ZNF140: variants seen among roughly 807,000 people sequenced by gnomAD.
The protein encoded by ZNF140 is zinc finger protein 140, also known as zinc finger protein 140 (clone pHZ-39).
Under a neutral mutation model 12.9 loss-of-function variants are expected in ZNF140, and 13 were observed. That is an observed-to-expected ratio of 1.01 (90% CI 0.66 to 1.60). The LOEUF is 1.60. Among genes scored for constraint, ZNF140 ranks in the 40% most tolerant of loss-of-function variants. ZNF140 has a pLI of 0.00. For synonymous variants in ZNF140, 214 were observed against 186.7 expected, an observed-to-expected ratio of 1.15 and a Z score of -1.19; for missense variants, 531 against 548.8, an observed-to-expected ratio of 0.97 and a Z score of 0.32.
chr12:133,087,726 G>A (rs1413782697), intron 4 of ZNF140, among the ~76,000 whole-genome samples: 3 of 152,124 alleles, frequency 2.0e-5, no homozygotes, highest in Non-Finnish European at 4.4e-5. Context: ...TTGTAGAATT[G>A]TTGCATACCT....
At chr12:133,086,615 T>G (rs1377997599) in intron 4 of ZNF140, among the ~76,000 whole-genome samples, 7 of 152,224 alleles carry the variant, frequency 4.6e-5, no homozygotes, top group African/African-American at 1.7e-4. Flanking sequence ...CTTCATAGCT[T>G]CTTTTGATGA....
intron 4 of ZNF140, among the ~76,000 whole-genome samples, chr12:133,084,903 T>C (rs1461347552): frequency 6.6e-6 from 1 of 152,190 alleles, no homozygotes; most frequent in Non-Finnish European, 1.5e-5. Context: ...AGGGAAACTT[T>C]GTTTAGTGGG....
intron 4 of ZNF140, among the ~76,000 whole-genome samples, chr12:133,089,740 C>G (rs1278867239): frequency 6.6e-6 from 1 of 151,810 alleles, no homozygotes; most frequent in Non-Finnish European, 1.5e-5. Context: ...ATCTTTTTTT[C>G]TTAATTAGCC....
intron 4 of ZNF140, among the ~76,000 whole-genome samples, chr12:133,092,223 C>T (rs1954916332): frequency 6.6e-6 from 1 of 151,008 alleles, no homozygotes; most frequent in Admixed American, 6.6e-5. Flanking sequence ...TTAGTTAGAA[C>T]TCCTTTTAAT....
intron 4 of ZNF140, chr12:133,093,429 A>G (rs1174008716): frequency 4.3e-6 from 3 of 699,316 alleles, no homozygotes; most frequent in Non-Finnish European, 7.8e-6. Flanking sequence ...TTTTTCAGCT[A>G]ACTGTGTCAG....
At chr12:133,097,518 C>T (rs1032303498) in intron 4 of ZNF140, among the ~76,000 whole-genome samples, 1 of 151,602 alleles carries the variant, frequency 6.6e-6, no homozygotes, top group Non-Finnish European at 1.5e-5. Flanking sequence ...TGGTGGGCAC[C>T]TATAGTCCCA....
chr12:133,087,616 A>T (rs78748547), intron 4 of ZNF140, among the ~76,000 whole-genome samples: 26 of 152,002 alleles, frequency 1.7e-4, no homozygotes, highest in Non-Finnish European at 2.5e-4. Context: ...CAGACCAGCC[A>T]GAATTTGCAT....
At position 133,087,501 on chromosome 12, in the gene ZNF140, ATTTC is replaced by A. The variant is rs1355825267; in HGVS notation, c.232+3948_232+3951del. ...TTTGGGGTGGAACCAAATAATTTGC[ATTTC>A]TTTCTTTTTTTGGCTAGTCAAAAAA... On this transcript the variant is annotated intron_variant, in intron 4 of 4. Coordinates refer to ENST00000355557, the MANE Select transcript of ZNF140 (RefSeq NM_003440.4). Among the ~76,000 whole-genome samples, 6 of 130,586 alleles carry A rather than the reference ATTTC, an allele frequency of 4.6e-5. No homozygotes were observed. In the South Asian group the frequency reaches 1.7e-3, roughly 36 times the overall value. 85.7% of individuals were successfully genotyped at this position (130,586 alleles called of 152,430 possible). A position where few individuals can be genotyped will look rare whatever the true frequency, so the allele number is the denominator to read the frequency against.
chr12:133,085,310 A>G (rs1057062625), intron 4 of ZNF140, among the ~76,000 whole-genome samples: 1 of 152,260 alleles, frequency 6.6e-6, no homozygotes. Context: ...GGTGTGAGCC[A>G]CTGTGCCTGG....
chr12:133,090,093 C>T (rs953335751), intron 4 of ZNF140, among the ~76,000 whole-genome samples: 47 of 152,012 alleles, frequency 3.1e-4, no homozygotes, highest in Admixed American at 1.1e-3. Flanking sequence ...CAGTAATCCA[C>T]GCACTTCAGC....
At chr12:133,104,208 A>T (rs1037431322) in intron 4 of ZNF140, among the ~76,000 whole-genome samples, 4 of 152,198 alleles carry the variant, frequency 2.6e-5, no homozygotes, top group Admixed American at 6.5e-5. Context: ...GAATGTTCAC[A>T]TTCACCTTTG....
chr12:133,091,259 A>G (rs1271972919), intron 4 of ZNF140, among the ~76,000 whole-genome samples: 3 of 150,816 alleles, frequency 2.0e-5, no homozygotes, highest in Non-Finnish European at 4.4e-5. Flanking sequence ...GCCCTGGTTT[A>G]TTGAGACTAG....
chr12:133,095,816 C>G (rs902633985), intron 4 of ZNF140, among the ~76,000 whole-genome samples: 1 of 151,960 alleles, frequency 6.6e-6, no homozygotes, highest in Non-Finnish European at 1.5e-5. Context: ...ATGTTTCTCT[C>G]CACCCAAACA....
chr12:133,081,599 G>GT (rs1199254085), intron 2 of ZNF140: 3 of 454,062 alleles, frequency 6.6e-6, no homozygotes, highest in African/African-American at 6.0e-5. Flanking sequence ...CCTGTCCCTT[G>GT]TTCCTCCTTT....
intron 4 of ZNF140, among the ~76,000 whole-genome samples, chr12:133,091,554 T>G (rs1954892493): frequency 1.3e-5 from 2 of 150,646 alleles, no homozygotes; most frequent in Admixed American, 1.3e-4. Flanking sequence ...CATTTCCCCC[T>G]TTTCTTTTTG....
intron 2 of ZNF140, 61 bp from the exon 3 acceptor site, chr12:133,083,042 C>G (rs921829739): frequency 3.1e-5 from 50 of 1,611,782 alleles, no homozygotes; most frequent in Non-Finnish European, 4.2e-5. Context: ...CATTTTATTC[C>G]TTGATGAGGG....
Position 133,083,548 on chromosome 12 carries a change from A to T in ZNF140, c.219A>T (p.Arg73Ser). ...EPWLGKREVKRDLFSVSESSG... is the reference protein window; with the variant it reads ...EPWLGKREVKSDLFSVSESSG... ...GGCTGGGGAAAAGGGAAGTGAAAAG[A>T]GATCTGTTTTCAGGTGAGTGAGTTG... The change falls in exon 4 of 5, where the codon AGA becomes AGT. Residue 73 changes from arginine to serine, a missense_variant. Coordinates refer to ENST00000355557, the MANE Select transcript of ZNF140 (RefSeq NM_003440.4). The T allele has an allele frequency of 1.2e-6, 2 of 1,614,086 alleles. No individual in the cohort carries two copies.
At chr12:133,087,398 T>C (rs1262755013) in intron 4 of ZNF140, among the ~76,000 whole-genome samples, 1 of 151,990 alleles carries the variant, frequency 6.6e-6, no homozygotes, top group Non-Finnish European at 1.5e-5. Context: ...ATAAATCCAG[T>C]AGGCAATTGA....
In ZNF140 at chr12:133,081,348, A is replaced by AAAATATATATATATATATATATATAT. The variant is rs1555291953; in HGVS notation, c.9+20_9+21insAATATATATATATATATATATATATA. On this transcript the variant is annotated intron_variant, in intron 2 of 4. Coordinates refer to ENST00000355557, the MANE Select transcript of ZNF140 (RefSeq NM_003440.4). ...GTCTCAGGTAAGCTAATGATTGATA[A>AAAATATATATATATATATATATATAT]ATATATATATATATATATATATAAA... is the stretch of plus-strand genomic sequence containing the variant. The AAAATATATATATATATATATATATAT allele has an allele frequency of 3.2e-6, 1 of 311,778 alleles. No homozygotes were observed. Among genetic ancestry groups the AAAATATATATATATATATATATATAT allele is most frequent in the Non-Finnish European group, 6.0e-6 (1 of 167,694 alleles). The allele number at this position is 311,778 out of a possible 1,614,324, so 19.3% of individuals were successfully genotyped here. A position where few individuals can be genotyped will look rare whatever the true frequency, so the allele number is the denominator to read the frequency against.
Sources: gnomAD v4.1 joint callset for allele counts (sites outside exome capture counted in the v4.1 genomes callset) on GRCh38, gnomAD v4.1.1 for gene constraint, MANE v1.5 for transcripts, NCBI Gene and HGNC (gene_info 2026-07-23, HGNC 2026-07-21) for gene names.